ASIC2: variants seen among roughly 807,000 people sequenced by gnomAD.
ASIC2 encodes the protein acid-sensing ion channel 2.
In ASIC2, 25 loss-of-function variants were observed where a neutral mutation model predicts 57.3. That is an observed-to-expected ratio of 0.44 (90% CI 0.32 to 0.61). The LOEUF is 0.61. ASIC2 is among the 20% of genes least tolerant of loss of function. The pLI is 0.06. For synonymous variants in ASIC2, 319 were observed against 307.5 expected (o/e 1.04, Z -0.39); for missense variants, 641 against 738.1 (o/e 0.87, Z 1.52).
intron 3 of ASIC2, among the ~76,000 whole-genome samples, chr17:33,050,270 G>A (rs1327166575): frequency 6.6e-6 from 1 of 152,156 alleles, no homozygotes; most frequent in Non-Finnish European, 1.5e-5. Context: ...CCTCTATGCT[G>A]GAGACGTAGT....
At chr17:33,429,369 GT>G (rs1281578125) in intron 1 of ASIC2, among the ~76,000 whole-genome samples, 1 of 152,020 alleles carries the variant, frequency 6.6e-6, no homozygotes, top group Non-Finnish European at 1.5e-5. Context: ...AGCCTAGGTA[GT>G]TTTTTGTTTT....
At chr17:33,478,086 G>A (rs1913286674) in intron 1 of ASIC2, among the ~76,000 whole-genome samples, 1 of 152,168 alleles carries the variant, frequency 6.6e-6, no homozygotes, top group Non-Finnish European at 1.5e-5. Context: ...AGGGGAACAA[G>A]GTAGCTTATT....
At chr17:34,057,425 T>C (rs1300484064) in intron 1 of ASIC2, among the ~76,000 whole-genome samples, 2 of 152,072 alleles carry the variant, frequency 1.3e-5, no homozygotes, top group African/African-American at 4.8e-5. Context: ...GAGGGTGTGA[T>C]TGAGGAAATG....
chr17:34,059,650 G>A (rs1287571548), intron 1 of ASIC2, among the ~76,000 whole-genome samples: 5 of 152,158 alleles, frequency 3.3e-5, no homozygotes, highest in Non-Finnish European at 5.9e-5. Flanking sequence ...GCTGCTGTGG[G>A]AGGGGCACGG....
At chr17:33,160,000 G>C (rs1469651947) in intron 1 of ASIC2, among the ~76,000 whole-genome samples, 1 of 152,118 alleles carries the variant, frequency 6.6e-6, no homozygotes, top group Non-Finnish European at 1.5e-5. Flanking sequence ...CGTGAGCTCA[G>C]AAGTTTGAGA....
At chr17:33,723,544 G>T (rs1045002103) in intron 1 of ASIC2, among the ~76,000 whole-genome samples, 1 of 152,160 alleles carries the variant, frequency 6.6e-6, no homozygotes, top group Non-Finnish European at 1.5e-5. Flanking sequence ...GGCCAGGCTT[G>T]TCTCGAACTC....
intron 1 of ASIC2, among the ~76,000 whole-genome samples, chr17:33,789,464 T>TCACACACACACACA: frequency 1.4e-5 from 2 of 144,514 alleles, no homozygotes; most frequent in East Asian, 4.2e-4. Context: ...AGAATCATGG[T>TCACACACACACACA]CACACACACA....
intron 1 of ASIC2, among the ~76,000 whole-genome samples, chr17:33,491,399 T>A (rs1183598996): frequency 6.6e-6 from 1 of 152,210 alleles, no homozygotes; most frequent in Non-Finnish European, 1.5e-5. Context: ...CTGCAATTCA[T>A]TTCCGCATTT....
intron 1 of ASIC2, among the ~76,000 whole-genome samples, chr17:33,466,039 A>G (rs1912853690): frequency 6.6e-6 from 1 of 152,234 alleles, no homozygotes; most frequent in South Asian, 2.1e-4. Flanking sequence ...TTTAAGTAGG[A>G]TATGGATTAT....
chr17:33,958,644 T>C (rs1429103896), intron 1 of ASIC2, among the ~76,000 whole-genome samples: 1 of 152,096 alleles, frequency 6.6e-6, no homozygotes, highest in African/African-American at 2.4e-5. Flanking sequence ...GGGGGGGTCT[T>C]GGACCCAGCC....
intron 1 of ASIC2, among the ~76,000 whole-genome samples, chr17:33,274,745 T>C (rs1308800739): frequency 6.6e-6 from 1 of 152,048 alleles, no homozygotes; most frequent in Non-Finnish European, 1.5e-5. Flanking sequence ...GCAGCTAGAG[T>C]TGAAAAATCC....
chr17:33,183,848 A>G (rs1906083144), intron 1 of ASIC2, among the ~76,000 whole-genome samples: 1 of 152,200 alleles, frequency 6.6e-6, no homozygotes, highest in Admixed American at 6.5e-5. Context: ...TTAGCGGTAG[A>G]AGTCAGCCTC....
intron 1 of ASIC2, among the ~76,000 whole-genome samples, chr17:33,242,821 T>C (rs1908557137): frequency 6.6e-6 from 1 of 152,142 alleles, no homozygotes; most frequent in East Asian, 1.9e-4. Context: ...CCAGGGCACT[T>C]TGCTTATTTT....
At chr17:33,131,352 A>C (rs949315957) in intron 1 of ASIC2, among the ~76,000 whole-genome samples, 5 of 152,178 alleles carry the variant, frequency 3.3e-5, no homozygotes, top group Non-Finnish European at 7.4e-5. Context: ...GGGGCTCTCC[A>C]TGCCCTGGAT....
At chr17:33,223,273 C>T (rs1199003312) in intron 1 of ASIC2, among the ~76,000 whole-genome samples, 2 of 151,992 alleles carry the variant, frequency 1.3e-5, no homozygotes. Context: ...ACCTCCGCCT[C>T]CAGGGTTCAA....
At chr17:33,047,262 C>T (rs2091959357) in intron 3 of ASIC2, among the ~76,000 whole-genome samples, 1 of 152,154 alleles carries the variant, frequency 6.6e-6, no homozygotes. Flanking sequence ...TGTCCTCATC[C>T]CTAGAAATGC....
chr17:33,934,246 TTC>T (rs1477244877), intron 1 of ASIC2, among the ~76,000 whole-genome samples: 2 of 152,220 alleles, frequency 1.3e-5, no homozygotes, highest in African/African-American at 4.8e-5. Context: ...CGGGGGCTGA[TTC>T]TCTGAGGCCA....
chr17:33,668,768 A>G (rs1007512097), intron 1 of ASIC2, among the ~76,000 whole-genome samples: 2 of 152,318 alleles, frequency 1.3e-5, no homozygotes, highest in Non-Finnish European at 2.9e-5. Flanking sequence ...CAGAGGAGTT[A>G]GTACATGTAA....
At position 33,119,320 on chromosome 17, in the gene ASIC2, C is replaced by G. The variant is rs143304094; in HGVS notation, c.709-7253G>C. Among the ~76,000 whole-genome samples the G allele has an allele frequency of 1.0e-3, 155 of 152,284 alleles. No homozygotes were observed. The East Asian group carries it at 0.014, about 14-fold the overall frequency. On this transcript the variant is annotated intron_variant, in intron 1 of 9. Transcript: ENST00000225823. ...CTCTTCCCTGAGTCAATTCCGCTTT[C>G]TTCTCAGTGAGCTACTGAAATTTCT...
Sources: gnomAD v4.1 joint callset for allele counts (sites outside exome capture counted in the v4.1 genomes callset) on GRCh38, gnomAD v4.1.1 for gene constraint, MANE v1.5 for transcripts, NCBI Gene and HGNC (gene_info 2026-07-23, HGNC 2026-07-21) for gene names.